ENOX1: variants seen among roughly 807,000 people sequenced by gnomAD.
ENOX1 encodes candidate growth-related and time keeping constitutive hydroquinone (NADH) oxidase.
In ENOX1, 42 loss-of-function variants were observed where a neutral mutation model predicts 82.5. That is an observed-to-expected ratio of 0.51 (90% CI 0.40 to 0.66). The LOEUF (loss-of-function observed/expected upper bound fraction) is 0.66. ENOX1 is among the 30% of genes least tolerant of loss of function. The pLI, the probability that ENOX1 is intolerant of heterozygous loss-of-function variation, is 0.00. For missense variants in ENOX1, 608 were observed against 811.6 expected (o/e 0.75, Z 3.05); for synonymous variants, 271 against 282.2 (o/e 0.96, Z 0.40).
chr13:43,280,387 C>T (rs937730593), intron 12 of ENOX1, among the ~76,000 whole-genome samples: 1 of 152,212 alleles, frequency 6.6e-6, no homozygotes, highest in African/African-American at 2.4e-5. Flanking sequence ...ACTGGAGAAC[C>T]AAACAATAAC....
intron 16 of ENOX1, among the ~76,000 whole-genome samples, chr13:43,222,994 A>G (rs2041866187): frequency 6.6e-6 from 1 of 152,234 alleles, no homozygotes; most frequent in Non-Finnish European, 1.5e-5. Flanking sequence ...GACTGAAAAG[A>G]TTCCTCTCAA....
At chr13:43,406,573 A>G (rs1289779830) in intron 5 of ENOX1, among the ~76,000 whole-genome samples, 1 of 151,160 alleles carries the variant, frequency 6.6e-6, no homozygotes, top group East Asian at 1.9e-4. Context: ...GCTCACTGCA[A>G]GCTCCGCCTC....
chr13:43,590,818 TA>T (rs1306377482), intron 2 of ENOX1, among the ~76,000 whole-genome samples: 1 of 143,664 alleles, frequency 7.0e-6, no homozygotes, highest in Non-Finnish European at 1.5e-5. Flanking sequence ...TATCAAAAGA[TA>T]AAGACAACCC....
At chr13:43,427,670 A>C (rs990286704) in intron 3 of ENOX1, among the ~76,000 whole-genome samples, 7 of 152,220 alleles carry the variant, frequency 4.6e-5, no homozygotes, top group Non-Finnish European at 7.3e-5. Context: ...CGTAATAGTG[A>C]ACAAGACATA....
intron 1 of ENOX1, among the ~76,000 whole-genome samples, chr13:43,718,779 A>G (rs568963352): frequency 6.6e-6 from 1 of 151,778 alleles, no homozygotes; most frequent in East Asian, 1.9e-4. Flanking sequence ...GACCCTTCAA[A>G]CAAGACTTTG....
At chr13:43,309,178 C>T (rs572113367) in intron 11 of ENOX1, among the ~76,000 whole-genome samples, 6 of 152,052 alleles carry the variant, frequency 3.9e-5, no homozygotes, top group African/African-American at 7.2e-5. Flanking sequence ...TGTGCCACCA[C>T]ACCTGGCTAA....
intron 12 of ENOX1, among the ~76,000 whole-genome samples, chr13:43,275,580 A>G (rs1378196331): frequency 9.2e-6 from 1 of 108,198 alleles, no homozygotes; most frequent in Non-Finnish European, 1.9e-5. Context: ...ACCAACACAC[A>G]CACACACACA....
At chr13:43,540,627 T>C (rs1041989246) in intron 2 of ENOX1, among the ~76,000 whole-genome samples, 1 of 152,144 alleles carries the variant, frequency 6.6e-6, no homozygotes, top group Non-Finnish European at 1.5e-5. Context: ...GTGAGACTGG[T>C]GAGATGGCTA....
chr13:43,369,302 C>T (rs1202060897), intron 5 of ENOX1, among the ~76,000 whole-genome samples: 1 of 152,178 alleles, frequency 6.6e-6, no homozygotes. Flanking sequence ...TTCTAAAAAC[C>T]CACCTTTTCT....
intron 2 of ENOX1, among the ~76,000 whole-genome samples, chr13:43,628,762 C>T (rs1229480340): frequency 6.6e-6 from 1 of 152,178 alleles, no homozygotes; most frequent in East Asian, 1.9e-4. Flanking sequence ...TGACCTTGCT[C>T]CCATAGGGGA....
chr13:43,265,358 G>A (rs4306408), intron 14 of ENOX1, 40 bp downstream of exon 14: 1,574,107 of 1,582,360 alleles, frequency 0.99, 783,326 homozygotes, highest in East Asian at 1. Flanking sequence ...TTCAACCAAC[G>A]TCAAGCAAGA....
chr13:43,323,680 C>T (rs892562745), intron 10 of ENOX1, among the ~76,000 whole-genome samples: 3 of 152,112 alleles, frequency 2.0e-5, no homozygotes, highest in African/African-American at 7.2e-5. Context: ...TCTGTAAAGT[C>T]TCTAAATAAA....
intron 2 of ENOX1, among the ~76,000 whole-genome samples, chr13:43,617,071 C>G (rs974734201): frequency 6.6e-6 from 1 of 152,168 alleles, no homozygotes; most frequent in Non-Finnish European, 1.5e-5. Context: ...TGAACATATA[C>G]ATAACTGTAT....
At chr13:43,258,910 G>T (rs1801338685) in intron 14 of ENOX1, among the ~76,000 whole-genome samples, 1 of 152,170 alleles carries the variant, frequency 6.6e-6, no homozygotes, top group African/African-American at 2.4e-5. Context: ...AGAGAATGAG[G>T]CCTGATGGAA....
chr13:43,437,366 A>G (rs1245730271), intron 3 of ENOX1, among the ~76,000 whole-genome samples: 1 of 152,170 alleles, frequency 6.6e-6, no homozygotes, highest in Non-Finnish European at 1.5e-5. Flanking sequence ...GTAAGACCCA[A>G]TCCTGCAACC....
At chr13:43,424,304 T>C (rs2055158829) in intron 3 of ENOX1, among the ~76,000 whole-genome samples, 1 of 152,226 alleles carries the variant, frequency 6.6e-6, no homozygotes, top group African/African-American at 2.4e-5. Context: ...TTTTACACCT[T>C]GACCCAACCG....
intron 1 of ENOX1, among the ~76,000 whole-genome samples, chr13:43,700,102 CTTT>C (rs1348227777): frequency 9.2e-5 from 14 of 152,172 alleles, no homozygotes; most frequent in African/African-American, 2.4e-5. Flanking sequence ...AGCATCTTGA[CTTT>C]TATTAGAGCC....
intron 5 of ENOX1, among the ~76,000 whole-genome samples, chr13:43,378,019 T>A (rs2051763618): frequency 6.6e-6 from 1 of 152,140 alleles, no homozygotes. Context: ...AATGAAATGT[T>A]TGCCAAATAC....
At chr13:43,528,249 A>G (rs2078064202) in intron 2 of ENOX1, among the ~76,000 whole-genome samples, 1 of 152,138 alleles carries the variant, frequency 6.6e-6, no homozygotes, top group Non-Finnish European at 1.5e-5. Flanking sequence ...ACAGAAGCCA[A>G]CAGAGAATAT....
Sources: gnomAD v4.1 joint callset for allele counts (sites outside exome capture counted in the v4.1 genomes callset) on GRCh38, gnomAD v4.1.1 for gene constraint, MANE v1.5 for transcripts, NCBI Gene and HGNC (gene_info 2026-07-23, HGNC 2026-07-21) for gene names.